Variants in DYNC2I2 observed in about 807,000 individuals in gnomAD.
DYNC2I2 encodes the protein dynein 2 intermediate chain 2.
In DYNC2I2, 39 loss-of-function variants were observed where a neutral mutation model predicts 52.0. The ratio of observed to expected loss-of-function variants is 0.75; its 90% CI spans 0.58 to 0.98. DYNC2I2 has a LOEUF of 0.98. DYNC2I2 is among the 50% of genes least tolerant of loss of function. The probability of loss-of-function intolerance (pLI) is 0.00; values close to 1 mark genes in which losing one functional copy is unlikely to be tolerated. For synonymous variants in DYNC2I2, 359 were observed against 321.1 expected (o/e 1.12, Z -1.26); for missense variants, 743 against 728.4 (o/e 1.02, Z -0.23).
At chr9:128,679,206 G>A in the DYNC2I2 span, among the ~76,000 whole-genome samples, 3 of 152,132 alleles carry the variant, frequency 2.0e-5, no homozygotes, top group Non-Finnish European at 2.9e-5. Flanking sequence ...TCATTAGAAC[G>A]TGGTTATTCT....
chr9:128,679,708 G>A, the DYNC2I2 span, among the ~76,000 whole-genome samples: 2 of 150,758 alleles, frequency 1.3e-5, no homozygotes, highest in African/African-American at 4.9e-5. Flanking sequence ...GTGCAGTGGC[G>A]CGATCTCAGC....
intron 8 of DYNC2I2, 29 bp from the exon 9 acceptor site, chr9:128,634,011 AGAGAAACTC>A: frequency 6.2e-7 from 1 of 1,611,442 alleles, no homozygotes; most frequent in Non-Finnish European, 8.5e-7. Context: ...ACGTGGAGTA[AGAGAAACTC>A]TAGAGACCAA....
the DYNC2I2 span, among the ~76,000 whole-genome samples, chr9:128,671,470 CTT>C: frequency 4.6e-5 from 5 of 107,722 alleles, no homozygotes. Context: ...CTGGCTAATT[CTT>C]TTTTTTTTTT....
the DYNC2I2 span, among the ~76,000 whole-genome samples, chr9:128,670,561 C>G: frequency 6.6e-6 from 1 of 151,136 alleles, no homozygotes; most frequent in Non-Finnish European, 1.5e-5. Flanking sequence ...CATGGTGAAA[C>G]TCCATCTCTA....
chr9:128,668,244 C>T, the DYNC2I2 span, among the ~76,000 whole-genome samples: 2 of 138,420 alleles, frequency 1.4e-5, no homozygotes, highest in Admixed American at 1.5e-4. Flanking sequence ...CAGGCGTGAG[C>T]CACCACGCCC....
chr9:128,675,001 C>CG, the DYNC2I2 span, among the ~76,000 whole-genome samples: 90 of 152,088 alleles, frequency 5.9e-4, no homozygotes, highest in Non-Finnish European at 1.0e-3. Context: ...GCTGATCTCC[C>CG]GGGGGTCTCA....
intron 1 of DYNC2I2, 48 bp downstream of exon 1, chr9:128,656,493 A>AC: frequency 1.6e-6 from 2 of 1,228,198 alleles, no homozygotes; most frequent in Non-Finnish European, 2.0e-6. Context: ...CCGCGCTGCG[A>AC]CCCCGCCTTC....
chr9:128,653,499 G>C (rs2132181788), intron 1 of DYNC2I2, among the ~76,000 whole-genome samples: 1 of 150,760 alleles, frequency 6.6e-6, no homozygotes, highest in East Asian at 1.9e-4. Context: ...CGGATCACGA[G>C]GTCAGGAGAT....
chr9:128,678,112 C>T, the DYNC2I2 span, among the ~76,000 whole-genome samples: 1 of 151,322 alleles, frequency 6.6e-6, no homozygotes, highest in East Asian at 1.9e-4. Context: ...TTTCGTTGCC[C>T]AGGCTGGCGT....
At chr9:128,634,614 T>TGAG in intron 7 of DYNC2I2, 75 bp downstream of exon 7, 1 of 1,421,764 alleles carries the variant, frequency 7.0e-7, no homozygotes, top group Non-Finnish European at 9.4e-7. Flanking sequence ...CAGTTTGTCA[T>TGAG]GAGGCTTGGC....
upstream of DYNC2I2, among the ~76,000 whole-genome samples, chr9:128,658,930 C>T (rs529902890): frequency 5.9e-5 from 9 of 151,680 alleles, no homozygotes; most frequent in South Asian, 1.7e-3. Context: ...GGGGTCTCCC[C>T]GTGTTGCCCA....
chr9:128,638,220 CA>C (rs570370161), intron 2 of DYNC2I2, among the ~76,000 whole-genome samples: 1,475 of 95,782 alleles, frequency 0.015, 13 homozygotes, highest in African/African-American at 0.039. Context: ...GACCCTGTCT[CA>C]AAAAAAAAAA....
In DYNC2I2 at chr9:128,635,459, G is replaced by A. The variant is rs1463197220; in HGVS notation, c.813+199C>T. 1.6e-5 allele frequency: 13 copies of A among 802,802 alleles called. No individual in the cohort carries two copies. In the Admixed American group the frequency reaches 3.6e-4, roughly 22 times the overall value. 49.7% of individuals were successfully genotyped at this position (802,802 alleles called of 1,614,324 possible). The stretch of plus-strand genomic sequence containing the variant: ...CCAGAATCCCAGCGCTGCTCACTCG[G>A]TGCCTGCAGAGGAGGCTGGGAATGG... On this transcript the variant is annotated intron_variant, in intron 5 of 8. Transcript: ENST00000372715.
At chr9:128,662,182 G>T in the DYNC2I2 span, among the ~76,000 whole-genome samples, 1 of 151,570 alleles carries the variant, frequency 6.6e-6, no homozygotes, top group African/African-American at 2.4e-5. Context: ...GCAGTGAGCC[G>T]AGATTGCGCC....
At chr9:128,647,409 G>A (rs1860635932) in intron 1 of DYNC2I2, among the ~76,000 whole-genome samples, 1 of 152,126 alleles carries the variant, frequency 6.6e-6, no homozygotes, top group Admixed American at 6.6e-5. Context: ...TGTCAAGGAC[G>A]CTAGGCCCAG....
At chr9:128,657,211 A>G (rs141631597), upstream of DYNC2I2, among the ~76,000 whole-genome samples, 1,069 of 152,336 alleles carry the variant, frequency 7.0e-3, 8 homozygotes, top group African/African-American at 0.024. Context: ...CTGTCTCAAT[A>G]GAATGATGAT....
chr9:128,669,626 G>A, the DYNC2I2 span, among the ~76,000 whole-genome samples: 1 of 152,238 alleles, frequency 6.6e-6, no homozygotes, highest in African/African-American at 2.4e-5. Flanking sequence ...GAACCTAGGA[G>A]GCATAGGTTG....
Position 128,656,840 on chromosome 9 carries a change from G to T in DYNC2I2, c.-114C>A. 1 of 1,070,606 alleles carries T rather than the reference G, an allele frequency of 9.3e-7. No individual in the cohort carries two copies. The highest frequency in any genetic ancestry group is 1.2e-6 in the Non-Finnish European group (1 of 811,504). The allele number at this position is 1,070,606 out of a possible 1,614,324, so 66.3% of individuals were successfully genotyped here. A position where few individuals can be genotyped will look rare whatever the true frequency, so the allele number is the denominator to read the frequency against. ...TGACGGCGCCATGTTTGAATTGGTC[G>T]CAGCGCCTCCTGCAAGACCTGGAAG... On this transcript the variant is annotated 5_prime_UTR_variant, in exon 1 of 9. Coordinates refer to ENST00000372715, the MANE Select transcript of DYNC2I2 (RefSeq NM_052844.4).
At chr9:128,637,329 G>A (rs1860434749) in intron 2 of DYNC2I2, among the ~76,000 whole-genome samples, 2 of 152,250 alleles carry the variant, frequency 1.3e-5, no homozygotes, top group African/African-American at 4.8e-5. Context: ...AGGTGGGGAT[G>A]GTTGCCCAGC....
Sources: gnomAD v4.1 joint callset for allele counts (sites outside exome capture counted in the v4.1 genomes callset) on GRCh38, gnomAD v4.1.1 for gene constraint, MANE v1.5 for transcripts, NCBI Gene and HGNC (gene_info 2026-07-23, HGNC 2026-07-21) for gene names.